CNTNAP4: variants seen among roughly 807,000 people sequenced by gnomAD.
CNTNAP4 encodes the protein contactin associated protein family member 4.
In CNTNAP4, 98 loss-of-function variants were observed where a neutral mutation model predicts 148.4. That is an observed-to-expected ratio of 0.66 (90% CI 0.56 to 0.78). CNTNAP4 has a LOEUF of 0.78. Among genes scored for constraint, CNTNAP4 ranks in the 30% least tolerant of loss-of-function variants. CNTNAP4 has a pLI of 0.00. For missense variants in CNTNAP4, 1,935 were observed against 1,565.6 expected, an observed-to-expected ratio of 1.24 and a Z score of -3.98; for synonymous variants, 730 against 565.1, an observed-to-expected ratio of 1.29 and a Z score of -4.14.
At chr16:76,334,422 C>T (rs1186225727) in intron 2 of CNTNAP4, among the ~76,000 whole-genome samples, 1 of 152,122 alleles carries the variant, frequency 6.6e-6, no homozygotes, top group African/African-American at 2.4e-5. Context: ...TGCTCACAGA[C>T]ATAATCCTGT....
intron 3 of CNTNAP4, among the ~76,000 whole-genome samples, chr16:76,396,333 A>G (rs2078204519): frequency 1.3e-5 from 2 of 152,204 alleles, no homozygotes; most frequent in Admixed American, 6.5e-5. Flanking sequence ...AAACACACCT[A>G]TAGGCACACT....
In CNTNAP4 at chr16:76,452,522, T is replaced by G. The variant is rs1187854681; in HGVS notation, c.1086T>G (p.Phe362Leu). 2.5e-6 allele frequency: 4 copies of G among 1,614,010 alleles called. No homozygotes were observed. The highest frequency in any genetic ancestry group is 1.1e-5 in the South Asian group (1 of 91,082). ...PQIIAMGNVS[F>L]SCSQPQSMPV... is the part of the protein sequence containing the mutation. ...TTTATTCTCAGGGAAATGTGTCATT[T>G]TCTTGTTCACAACCACAATCTATGC... is the stretch of plus-strand genomic sequence containing the variant. The change falls in exon 8 of 24, where the codon TTT (phenylalanine) becomes TTG (leucine). Residue 362 changes from phenylalanine to leucine, a missense_variant. Physicochemically the swap from Phe to Leu is conservative, Grantham distance 22. Coordinates refer to ENST00000611870, the MANE Select transcript of CNTNAP4 (RefSeq NM_033401.5).
At chr16:76,495,611 G>A (rs1053553577) in intron 14 of CNTNAP4, among the ~76,000 whole-genome samples, 2 of 84,944 alleles carry the variant, frequency 2.4e-5, no homozygotes, top group Admixed American at 1.6e-4. Flanking sequence ...AAGCAGAGAA[G>A]AATCTTATGC....
At chr16:76,438,753 T>C (rs953215505) in intron 4 of CNTNAP4, among the ~76,000 whole-genome samples, 12 of 152,174 alleles carry the variant, frequency 7.9e-5, no homozygotes, top group East Asian at 1.9e-4. Flanking sequence ...ACTTCCTCCT[T>C]CTTTCCTGGC....
intron 10 of CNTNAP4, among the ~76,000 whole-genome samples, chr16:76,471,252 T>TCCTC (rs1417058446): frequency 1.3e-5 from 2 of 152,100 alleles, no homozygotes; most frequent in Non-Finnish European, 2.9e-5. Context: ...GCTATCCAAG[T>TCCTC]CCTCACATCT....
chr16:76,544,976 A>G (rs2084645673), intron 21 of CNTNAP4, among the ~76,000 whole-genome samples: 1 of 152,190 alleles, frequency 6.6e-6, no homozygotes, highest in Non-Finnish European at 1.5e-5. Context: ...CTTTATGTAA[A>G]ACTTGCTTCA....
chr16:76,336,723 G>C (rs1002101826), intron 2 of CNTNAP4, among the ~76,000 whole-genome samples: 5 of 152,080 alleles, frequency 3.3e-5, no homozygotes, highest in African/African-American at 4.8e-5. Context: ...AACTAGGTGT[G>C]GTAAGAATAT....
intron 8 of CNTNAP4, among the ~76,000 whole-genome samples, chr16:76,461,463 G>T (rs903070904): frequency 2.0e-5 from 3 of 152,064 alleles, no homozygotes; most frequent in Admixed American, 2.0e-4. Context: ...GCTTTTCACG[G>T]TGCTTTATAT....
At chr16:76,286,220 A>T (rs193078511) in intron 1 of CNTNAP4, among the ~76,000 whole-genome samples, 3 of 106,062 alleles carry the variant, frequency 2.8e-5, no homozygotes, top group South Asian at 3.4e-4. Context: ...TGTGTGTGTG[A>T]AGATAACTGT....
chr16:76,472,977 G>T (rs1432851273), intron 10 of CNTNAP4, among the ~76,000 whole-genome samples: 1 of 152,012 alleles, frequency 6.6e-6, no homozygotes, highest in African/African-American at 2.4e-5. Context: ...AAAATAAAAA[G>T]ACATAAGTAT....
intron 9 of CNTNAP4, among the ~76,000 whole-genome samples, chr16:76,466,459 C>T (rs569443173): frequency 1.3e-5 from 2 of 152,210 alleles, no homozygotes; most frequent in South Asian, 2.1e-4. Flanking sequence ...ATACCCCATT[C>T]TTCATGGTGT....
chr16:76,407,126 T>C lies in CNTNAP4; in HGVS notation c.391-20326T>C, dbSNP rs539391404. Among the ~76,000 whole-genome samples, 121 of 152,264 alleles carry C rather than the reference T, an allele frequency of 7.9e-4. 1 individual carries two copies. Among genetic ancestry groups the C allele is most frequent in the African/African-American group, 2.9e-3 (119 of 41,550 alleles). The stretch of plus-strand genomic sequence containing the variant: ...TGAAGACAGTGCTCATTTACCATTC[T>C]GAAAATCCTAGGACACGTAAGAATT... On this transcript the variant is annotated intron_variant, in intron 3 of 23. Coordinates refer to ENST00000611870, the MANE Select transcript of CNTNAP4 (RefSeq NM_033401.5).
At chr16:76,423,810 C>T (rs561680218) in intron 3 of CNTNAP4, among the ~76,000 whole-genome samples, 2 of 152,180 alleles carry the variant, frequency 1.3e-5, no homozygotes, top group South Asian at 2.1e-4. Flanking sequence ...ATAGTAACTG[C>T]ATATTTTTCC....
intron 3 of CNTNAP4, among the ~76,000 whole-genome samples, chr16:76,371,921 G>C (rs1247240241): frequency 6.6e-6 from 1 of 152,134 alleles, no homozygotes; most frequent in African/African-American, 2.4e-5. Context: ...TTACCTCTCA[G>C]GTCCACTTTT....
chr16:76,513,122 G>A (rs548329199), intron 15 of CNTNAP4, among the ~76,000 whole-genome samples: 2 of 152,266 alleles, frequency 1.3e-5, no homozygotes, highest in South Asian at 4.2e-4. Context: ...TAGTAAGAGA[G>A]ATCCAGTAAA....
At chr16:76,454,179 A>G in intron 8 of CNTNAP4, among the ~76,000 whole-genome samples, 1 of 148,420 alleles carries the variant, frequency 6.7e-6, no homozygotes, top group Non-Finnish European at 1.5e-5. Flanking sequence ...TTATGGTGCA[A>G]TCTCAGCTCA....
intron 2 of CNTNAP4, among the ~76,000 whole-genome samples, chr16:76,323,608 C>T (rs1962660716): frequency 6.6e-6 from 1 of 152,136 alleles, no homozygotes; most frequent in African/African-American, 2.4e-5. Flanking sequence ...TTTGATTTAA[C>T]ACCATAGATG....
intron 12 of CNTNAP4, among the ~76,000 whole-genome samples, chr16:76,482,204 A>G (rs2081859403): frequency 6.6e-6 from 1 of 152,002 alleles, no homozygotes; most frequent in South Asian, 2.1e-4. Flanking sequence ...TTGGGAGACC[A>G]TTTCAAGTAA....
intron 5 of CNTNAP4, 75 bp from the exon 6 acceptor site, chr16:76,448,692 G>A (rs1346997998): frequency 9.3e-7 from 1 of 1,076,344 alleles, no homozygotes; most frequent in Non-Finnish European, 1.3e-6. Context: ...AAAGATGGTG[G>A]TCCACAGAAG....
Sources: gnomAD v4.1 joint callset for allele counts (sites outside exome capture counted in the v4.1 genomes callset) on GRCh38, gnomAD v4.1.1 for gene constraint, MANE v1.5 for transcripts, NCBI Gene and HGNC (gene_info 2026-07-23, HGNC 2026-07-21) for gene names.